Variants in ZMAT5 observed in about 807,000 individuals in gnomAD.
ZMAT5 encodes the protein zinc finger matrin-type protein 5.
ZMAT5 carries 23 observed loss-of-function variants against 28.0 expected under a neutral mutation model. The observed-to-expected ratio is 0.82, with a 90% CI of 0.59 to 1.16. ZMAT5 has a LOEUF of 1.16. ZMAT5 is among the 50% of genes most tolerant of loss of function. The probability of loss-of-function intolerance (pLI) is 0.00; values close to 1 mark genes in which losing one functional copy is unlikely to be tolerated. For synonymous variants in ZMAT5, 76 were observed against 84.1 expected (o/e 0.90, Z 0.52); for missense variants, 173 against 212.7 (o/e 0.81, Z 1.16).
chr22:29,740,603 G>T lies in ZMAT5; in HGVS notation c.271+47C>A, dbSNP rs534329960. The stretch of plus-strand genomic sequence containing the variant: ...GCTTCCCCGGTCTCAGAGCCCACAT[G>T]CCCCAGCACCCCACTCCCGCTTAGC... On this transcript the variant is annotated intron_variant, in intron 4 of 5. Coordinates refer to ENST00000344318, the MANE Select transcript of ZMAT5 (RefSeq NM_001003692.2). 9.7e-6 allele frequency: 15 copies of T among 1,541,208 alleles called. No individual in the cohort carries two copies. The South Asian group carries it at 1.8e-4, about 18-fold the overall frequency.
intron 5 of ZMAT5, among the ~76,000 whole-genome samples, chr22:29,734,197 C>G (rs138755955): frequency 0.013 from 2,022 of 152,318 alleles, 45 homozygotes; most frequent in African/African-American, 0.044. Context: ...TGTCTGAGGC[C>G]GCCGCTGCTC....
intron 3 of ZMAT5, among the ~76,000 whole-genome samples, chr22:29,741,161 C>T (rs530658584): frequency 3.3e-5 from 5 of 152,202 alleles, no homozygotes; most frequent in African/African-American, 7.2e-5. Context: ...ACCTGGCTCA[C>T]GGGAGCAATT....
At chr22:29,756,824 G>C (rs1313669946) in intron 1 of ZMAT5, among the ~76,000 whole-genome samples, 1 of 152,050 alleles carries the variant, frequency 6.6e-6, no homozygotes, top group Non-Finnish European at 1.5e-5. Context: ...GACGCAGGTG[G>C]ATCACCTGAG....
chr22:29,758,890 G>GT (rs2068129073), intron 1 of ZMAT5: 1 of 152,308 alleles, frequency 6.6e-6, no homozygotes, highest in South Asian at 2.1e-4. Context: ...AGGGAAATTT[G>GT]TAAGGCGGGG....
chr22:29,761,476 C>T (rs2068157226), intron 1 of ZMAT5, among the ~76,000 whole-genome samples: 1 of 151,378 alleles, frequency 6.6e-6, no homozygotes, highest in Non-Finnish European at 1.5e-5. Flanking sequence ...GTCCCAGCTA[C>T]TACTGCTCAA....
At chr22:29,732,206 G>A (rs1308178511) in intron 5 of ZMAT5, among the ~76,000 whole-genome samples, 1 of 152,224 alleles carries the variant, frequency 6.6e-6, no homozygotes, top group East Asian at 1.9e-4. Context: ...GCCCTTCTCA[G>A]GCTTCGAAGT....
chr22:29,739,033 G>A (rs1036574475), intron 4 of ZMAT5, among the ~76,000 whole-genome samples: 2 of 149,196 alleles, frequency 1.3e-5, no homozygotes, highest in African/African-American at 5.0e-5. Flanking sequence ...AAGAGAGAGA[G>A]AGCCTGGCCC....
chr22:29,753,070 C>T lies in ZMAT5; in HGVS notation c.-27-4499G>A, dbSNP rs16988003. Among the ~76,000 whole-genome samples, 1,280 of 152,214 alleles carry T rather than the reference C, an allele frequency of 8.4e-3. 11 individuals carry two copies. Among genetic ancestry groups the T allele is most frequent in the African/African-American group, 0.029 (1,206 of 41,538 alleles). On this transcript the variant is annotated intron_variant, in intron 1 of 5. Coordinates refer to ENST00000344318, the MANE Select transcript of ZMAT5 (RefSeq NM_001003692.2). Reference sequence around the variant, plus strand: ...AGCACTGAGCATCAGGACCAGCTATCTCTGCATTTCTGTGCCTGGGGAGGC... The same window carrying T: ...AGCACTGAGCATCAGGACCAGCTATTTCTGCATTTCTGTGCCTGGGGAGGC...
At chr22:29,736,689 C>T (rs1217320723) in intron 5 of ZMAT5, among the ~76,000 whole-genome samples, 8 of 121,400 alleles carry the variant, frequency 6.6e-5, no homozygotes, top group African/African-American at 2.0e-4. Flanking sequence ...CACTGCACTT[C>T]AGCCTGGGTG....
intron 2 of ZMAT5, among the ~76,000 whole-genome samples, chr22:29,745,307 G>A (rs2067999767): frequency 6.6e-6 from 1 of 152,232 alleles, no homozygotes; most frequent in South Asian, 2.1e-4. Flanking sequence ...CTACAGAGGG[G>A]ACAGCTTATG....
At chr22:29,761,203 G>C (rs1003496311) in intron 1 of ZMAT5, among the ~76,000 whole-genome samples, 3 of 150,364 alleles carry the variant, frequency 2.0e-5, no homozygotes, top group African/African-American at 7.4e-5. Context: ...AACCTGGGAG[G>C]CGGAGGTTGC....
At chr22:29,734,344 G>T (rs2067883657) in intron 5 of ZMAT5, among the ~76,000 whole-genome samples, 1 of 152,238 alleles carries the variant, frequency 6.6e-6, no homozygotes, top group Non-Finnish European at 1.5e-5. Context: ...CTCAGCCAGC[G>T]GAGGTTGGAG....
chr22:29,731,910 G>C (rs1057393891), intron 5 of ZMAT5: 1 of 152,140 alleles, frequency 6.6e-6, no homozygotes, highest in Non-Finnish European at 1.5e-5. Context: ...AAAGTTTTAC[G>C]AGCACACAAG....
intron 3 of ZMAT5, 89 bp from the exon 4 acceptor site, chr22:29,740,819 A>C (rs2067955652): frequency 8.1e-7 from 1 of 1,236,148 alleles, no homozygotes; most frequent in Non-Finnish European, 1.2e-6. Context: ...CCAGAATCTT[A>C]GGGGCAGGAC....
intron 3 of ZMAT5, 24 bp from the exon 4 acceptor site, chr22:29,740,754 T>C: frequency 6.4e-7 from 1 of 1,573,874 alleles, no homozygotes; most frequent in Non-Finnish European, 8.6e-7. Flanking sequence ...ACAGAGTTAC[T>C]CGCTGCTCGG....
chr22:29,743,279 T>A (rs2067980463), intron 2 of ZMAT5, among the ~76,000 whole-genome samples: 1 of 152,144 alleles, frequency 6.6e-6, no homozygotes, highest in Non-Finnish European at 1.5e-5. Context: ...AAGACTGCAA[T>A]CCCTGGCCTC....
At chr22:29,732,605 TG>T (rs2067860062) in intron 5 of ZMAT5, among the ~76,000 whole-genome samples, 1 of 150,896 alleles carries the variant, frequency 6.6e-6, no homozygotes, top group African/African-American at 2.4e-5. Context: ...CCGGGTGTGG[TG>T]GGGGGCACCT....
intron 1 of ZMAT5, among the ~76,000 whole-genome samples, chr22:29,755,415 G>GGAAA (rs140215373): frequency 4.0e-5 from 6 of 148,980 alleles, no homozygotes; most frequent in Admixed American, 1.3e-4. Flanking sequence ...AGAAAAGAAA[G>GGAAA]GAAAGAAAGA....
rs1460724181 is a variant in ZMAT5, at chr22:29,745,972, CATTT to C, written c.127+2442_127+2445del. On this transcript the variant is annotated intron_variant, in intron 2 of 5. Coordinates refer to ENST00000344318, the MANE Select transcript of ZMAT5 (RefSeq NM_001003692.2). ...GAACCCACTGCCCTGGATTTTATTT[CATTT>C]ATTTATTTTTTTTTGAGACAGGGTC... Among the ~76,000 whole-genome samples the C allele has an allele frequency of 7.2e-5, 11 of 152,174 alleles. No homozygotes were observed. In the East Asian group the frequency reaches 1.9e-3, roughly 27 times the overall value.
Sources: allele counts gnomAD v4.1 joint callset (sites outside exome capture counted in the v4.1 genomes callset), GRCh38; gene constraint gnomAD v4.1.1; transcripts MANE v1.5; gene names NCBI Gene and HGNC (gene_info 2026-07-23, HGNC 2026-07-21).